The following MICU3 variants were observed in gnomAD, a reference collection of about 807,000 sequenced individuals.
The protein encoded by MICU3 is calcium uptake protein 3, mitochondrial.
Under a neutral mutation model 66.5 loss-of-function variants are expected in MICU3, and 62 were observed. That is an observed-to-expected ratio of 0.93 (90% CI 0.76 to 1.15). The LOEUF is 1.15. MICU3 is among the 50% of genes most tolerant of loss of function. The pLI is 0.00. For missense variants in MICU3, 779 were observed against 664.4 expected, an observed-to-expected ratio of 1.17 and a Z score of -1.90; for synonymous variants, 308 against 240.7, an observed-to-expected ratio of 1.28 and a Z score of -2.59.
At chr8:17,075,186 G>A (rs900545336) in intron 3 of MICU3, among the ~76,000 whole-genome samples, 2 of 148,450 alleles carry the variant, frequency 1.3e-5, no homozygotes, top group African/African-American at 5.0e-5. Flanking sequence ...AGAACATGGA[G>A]TTGGGGTGTG....
intron 1 of MICU3, among the ~76,000 whole-genome samples, chr8:17,029,205 G>T (rs1811574862): frequency 6.6e-6 from 1 of 152,232 alleles, no homozygotes; most frequent in Admixed American, 6.5e-5. Flanking sequence ...GCTGAGCGTG[G>T]TGGCTCACGC....
chr8:17,081,614 C>T (rs1585391087), intron 4 of MICU3, 79 bp from the exon 5 acceptor site: 4 of 404,722 alleles, frequency 9.9e-6, no homozygotes, highest in Non-Finnish European at 1.8e-5. Context: ...CTATTTTAAA[C>T]TACAAGCTCA....
At chr8:17,134,249 G>T in the MICU3 span, 1 of 152,208 alleles carries the variant, frequency 6.6e-6, no homozygotes, top group African/African-American at 2.4e-5. Flanking sequence ...GAGGTGGCAA[G>T]CTGGAGACTC....
chr8:17,130,776 C>CA, the MICU3 span, among the ~76,000 whole-genome samples: 1,044 of 151,394 alleles, frequency 6.9e-3, 12 homozygotes, highest in African/African-American at 0.024. Flanking sequence ...AAGGAGGAAA[C>CA]AAAAAAATGG....
intron 1 of MICU3, among the ~76,000 whole-genome samples, chr8:17,033,939 C>T (rs1308268959): frequency 6.6e-6 from 1 of 152,102 alleles, no homozygotes; most frequent in Non-Finnish European, 1.5e-5. Flanking sequence ...AAGGTGGTTA[C>T]ACTGAACAAC....
At chr8:17,112,138 G>A (rs567065787) in intron 11 of MICU3, among the ~76,000 whole-genome samples, 17 of 152,230 alleles carry the variant, frequency 1.1e-4, no homozygotes, top group South Asian at 4.2e-4. Flanking sequence ...CCCTGGACAC[G>A]TGGGGATTGC....
At chr8:17,080,483 T>G (rs1392486214) in intron 4 of MICU3, among the ~76,000 whole-genome samples, 1 of 152,168 alleles carries the variant, frequency 6.6e-6, no homozygotes, top group Non-Finnish European at 1.5e-5. Context: ...GTTAGTGAGA[T>G]GGGATTATGG....
chr8:17,080,877 T>A (rs982698095), intron 4 of MICU3, among the ~76,000 whole-genome samples: 3 of 152,134 alleles, frequency 2.0e-5, no homozygotes, highest in African/African-American at 7.2e-5. Context: ...TATACCCTTT[T>A]ACCAAGCGTC....
At chr8:17,135,063 A>G in the MICU3 span, among the ~76,000 whole-genome samples, 1 of 152,314 alleles carries the variant, frequency 6.6e-6, no homozygotes, top group Middle Eastern at 3.4e-3. Context: ...GCTTCTTACA[A>G]TTATGGTCTT....
At chr8:17,094,091 C>G (rs1231919627) in intron 8 of MICU3, among the ~76,000 whole-genome samples, 1 of 151,910 alleles carries the variant, frequency 6.6e-6, no homozygotes, top group African/African-American at 2.4e-5. Context: ...GTTTTACCAC[C>G]TACTTATGCA....
chr8:17,137,928 GAT>G, the MICU3 span, among the ~76,000 whole-genome samples: 1 of 151,726 alleles, frequency 6.6e-6, no homozygotes, highest in African/African-American at 2.4e-5. Flanking sequence ...TATTGGCCGG[GAT>G]GGTCTTGATC....
chr8:17,051,601 A>G (rs754848854), intron 1 of MICU3, among the ~76,000 whole-genome samples: 26 of 152,232 alleles, frequency 1.7e-4, no homozygotes, highest in Non-Finnish European at 5.9e-5. Flanking sequence ...GGATAGGAGG[A>G]AAAGCAAGAC....
intron 14 of MICU3, among the ~76,000 whole-genome samples, chr8:17,119,782 C>T (rs977105114): frequency 2.6e-5 from 4 of 152,032 alleles, no homozygotes; most frequent in Admixed American, 6.6e-5. Context: ...GGTTTGAGAT[C>T]TAGTGTTTTA....
At chr8:17,097,038 C>T (rs1386870611) in intron 8 of MICU3, among the ~76,000 whole-genome samples, 3 of 150,334 alleles carry the variant, frequency 2.0e-5, no homozygotes, top group Non-Finnish European at 4.4e-5. Context: ...GGCATGGCTT[C>T]ACAAAGTGAA....
intron 3 of MICU3, among the ~76,000 whole-genome samples, chr8:17,070,405 G>A (rs1267276527): frequency 1.3e-5 from 2 of 151,980 alleles, no homozygotes; most frequent in Non-Finnish European, 2.9e-5. Context: ...TTTGTATAAA[G>A]TCCAAAACTG....
downstream of MICU3, among the ~76,000 whole-genome samples, chr8:17,127,611 T>C (rs1803436690): frequency 6.6e-6 from 1 of 152,222 alleles, no homozygotes; most frequent in African/African-American, 2.4e-5. Context: ...AAATACTAAA[T>C]AGATTATGCT....
chr8:17,103,681 A>T (rs149260235), intron 9 of MICU3, among the ~76,000 whole-genome samples: 7 of 152,056 alleles, frequency 4.6e-5, no homozygotes, highest in African/African-American at 1.7e-4. Context: ...CTTTATAAGG[A>T]CTATAACCAA....
intron 11 of MICU3, among the ~76,000 whole-genome samples, chr8:17,108,241 A>G (rs778363028): frequency 3.3e-5 from 5 of 152,186 alleles, no homozygotes; most frequent in Non-Finnish European, 5.9e-5. Flanking sequence ...AGTTATCTCA[A>G]TGAAAAATTA....
At chr8:17,088,815 G>T (rs1266029091) in intron 7 of MICU3, among the ~76,000 whole-genome samples, 1 of 151,732 alleles carries the variant, frequency 6.6e-6, no homozygotes, top group Non-Finnish European at 1.5e-5. Flanking sequence ...ACAAAATTTG[G>T]CTCTGAGCGT....
Sources: gnomAD v4.1 joint callset for allele counts (sites outside exome capture counted in the v4.1 genomes callset) on GRCh38, gnomAD v4.1.1 for gene constraint, MANE v1.5 for transcripts, NCBI Gene and HGNC (gene_info 2026-07-23, HGNC 2026-07-21) for gene names.